GAS7: variants seen among roughly 807,000 people sequenced by gnomAD.
GAS7 encodes growth arrest specific 7.
In GAS7, 28 loss-of-function variants were observed where a neutral mutation model predicts 71.1. That is an observed-to-expected ratio of 0.39 (90% CI 0.29 to 0.54). The LOEUF is 0.54. GAS7 is among the 20% of genes least tolerant of loss of function. The probability of loss-of-function intolerance (pLI) is 0.62; values close to 1 mark genes in which losing one functional copy is unlikely to be tolerated. For synonymous variants in GAS7, 258 were observed against 245.8 expected (o/e 1.05, Z -0.46); for missense variants, 436 against 627.8 (o/e 0.69, Z 3.27).
intron 2 of GAS7, among the ~76,000 whole-genome samples, chr17:9,992,196 T>C (rs1385864159): frequency 1.3e-5 from 2 of 150,842 alleles, no homozygotes; most frequent in Non-Finnish European, 3.0e-5. Context: ...CCCCAGGGAG[T>C]GGGTTAGACT....
chr17:10,191,137 T>C (rs945875449), intron 1 of GAS7, among the ~76,000 whole-genome samples: 3 of 147,386 alleles, frequency 2.0e-5, no homozygotes, highest in African/African-American at 7.5e-5. Flanking sequence ...ATCACGCCAT[T>C]GTACTCCAGC....
chr17:10,132,317 T>A (rs190469302), intron 1 of GAS7, among the ~76,000 whole-genome samples: 2 of 152,206 alleles, frequency 1.3e-5, no homozygotes, highest in East Asian at 3.9e-4. Context: ...CCCTGAAGAA[T>A]GCCTCTTCCT....
intron 1 of GAS7, among the ~76,000 whole-genome samples, chr17:10,072,571 T>C (rs538659072): frequency 3.9e-4 from 59 of 152,226 alleles, no homozygotes; most frequent in Non-Finnish European, 5.9e-5. Flanking sequence ...GTCTAACAGA[T>C]GCTTCTGCCT....
chr17:9,928,279 ATT>A (rs547589875), intron 9 of GAS7, among the ~76,000 whole-genome samples: 4 of 137,646 alleles, frequency 2.9e-5, no homozygotes, highest in Admixed American at 7.2e-5. Context: ...CGCCCGGCTA[ATT>A]TTTTTTTTTT....
chr17:9,957,178 C>T (rs79818825), intron 5 of GAS7, among the ~76,000 whole-genome samples: 3,052 of 152,328 alleles, frequency 0.02, 93 homozygotes, highest in African/African-American at 0.064. Context: ...GGAACACTGG[C>T]TCAAATGCAG....
intron 1 of GAS7, among the ~76,000 whole-genome samples, chr17:10,067,139 G>T (rs552326593): frequency 6.6e-6 from 1 of 152,250 alleles, no homozygotes; most frequent in African/African-American, 2.4e-5. Context: ...GATGAAATAT[G>T]GGGGAGGGAT....
Position 9,969,237 on chromosome 17 carries a change from G to GCTCT in GAS7, c.471+436_471+439dup, listed in dbSNP as rs1411884499. On this transcript the variant is annotated intron_variant, in intron 4 of 13. Coordinates refer to ENST00000432992, the MANE Select transcript of GAS7 (RefSeq NM_201433.2). This position sits in a 1 kb window ranked among gnomAD's most constrained non-coding sequence, Gnocchi z 5.5. ...TACTCCCATTTCCTTCCATCTCATA[G>GCTCT]CTCTCTCTATGCTACTTTATCAAAT... Among the ~76,000 whole-genome samples, 2 of 152,162 alleles carry GCTCT rather than the reference G, an allele frequency of 1.3e-5. No homozygotes were observed. Among genetic ancestry groups the GCTCT allele is most frequent in the African/African-American group, 4.8e-5 (2 of 41,424 alleles).
chr17:10,198,501 G>C lies in GAS7; in HGVS notation c.-111C>G, dbSNP rs982969668. Reference sequence around the variant, plus strand: ...CCGGCGCTCCGGGCTCCCGCGCTCTGGGCGCGCGCCGTCTCTGGGGTGCGC... The same window carrying C: ...CCGGCGCTCCGGGCTCCCGCGCTCTCGGCGCGCGCCGTCTCTGGGGTGCGC... On this transcript the variant is annotated 5_prime_UTR_variant, in exon 1 of 14. Transcript: ENST00000432992. The C allele has an allele frequency of 5.4e-6, 4 of 738,368 alleles. No individual in the cohort carries two copies. The highest frequency in any genetic ancestry group is 3.9e-6 in the Non-Finnish European group (2 of 512,846). 45.7% of individuals were successfully genotyped at this position (738,368 alleles called of 1,614,324 possible).
chr17:10,110,873 C>A (rs1441606515), intron 1 of GAS7, among the ~76,000 whole-genome samples: 2 of 152,218 alleles, frequency 1.3e-5, no homozygotes, highest in Admixed American at 6.5e-5. Context: ...TTGTTCCCAA[C>A]ACACAGCAAT....
rs188481786 is a variant in GAS7, at chr17:10,093,194, C to G, written c.184-73297G>C. Among the ~76,000 whole-genome samples the G allele has an allele frequency of 2.0e-5, 3 of 152,188 alleles. No individual in the cohort carries two copies. In the East Asian group the frequency reaches 5.8e-4, roughly 29 times the overall value. Reference sequence around the variant, plus strand: ...TGGACAAGACCAACCCCTTGTCAAGCCCCCACTATCTCACCTTTATAAGGA... The same window carrying G: ...TGGACAAGACCAACCCCTTGTCAAGGCCCCACTATCTCACCTTTATAAGGA... On this transcript the variant is annotated intron_variant, in intron 1 of 13. Coordinates refer to ENST00000432992, the MANE Select transcript of GAS7 (RefSeq NM_201433.2).
intron 1 of GAS7, among the ~76,000 whole-genome samples, chr17:10,142,553 G>C (rs1275934712): frequency 6.6e-6 from 1 of 152,088 alleles, no homozygotes; most frequent in Non-Finnish European, 1.5e-5. Flanking sequence ...ATTTTTAGTA[G>C]AGACGGGGTT....
chr17:9,933,079 G>A (rs1035793255), intron 9 of GAS7, among the ~76,000 whole-genome samples: 1 of 152,160 alleles, frequency 6.6e-6, no homozygotes, highest in African/African-American at 2.4e-5. Flanking sequence ...GGCTGAGGCA[G>A]GAGAATCACT....
At chr17:10,072,198 C>G (rs943602387) in intron 1 of GAS7, among the ~76,000 whole-genome samples, 1 of 152,092 alleles carries the variant, frequency 6.6e-6, no homozygotes, top group Non-Finnish European at 1.5e-5. Flanking sequence ...GTCATTGGCC[C>G]TGAGGAAGCA....
chr17:9,960,382 G>A (rs1184274554), intron 4 of GAS7, among the ~76,000 whole-genome samples: 1 of 152,096 alleles, frequency 6.6e-6, no homozygotes, highest in East Asian at 1.9e-4. Context: ...TAGAGACAGG[G>A]TTTCACCATG....
chr17:10,054,850 T>C (rs2073114438), intron 1 of GAS7, among the ~76,000 whole-genome samples: 1 of 152,096 alleles, frequency 6.6e-6, no homozygotes, highest in Admixed American at 6.5e-5. Context: ...CTGGGCTCCC[T>C]GAGCCTGGGC....
intron 1 of GAS7, among the ~76,000 whole-genome samples, chr17:10,070,084 C>T (rs375035780): frequency 6.6e-6 from 1 of 152,134 alleles, no homozygotes; most frequent in Non-Finnish European, 1.5e-5. Flanking sequence ...CACAGCATCT[C>T]GGGAAATGCT....
Position 9,981,174 on chromosome 17 carries a change from C to T in GAS7, c.385+630G>A, listed in dbSNP as rs1284897648. ...GGGTGTGGTGGTGCGCACCTGCAATCGCAGCTACTCGGGAGGCTGGGGAAC... is the reference window on the plus strand; with the variant it reads ...GGGTGTGGTGGTGCGCACCTGCAATTGCAGCTACTCGGGAGGCTGGGGAAC... On this transcript the variant is annotated intron_variant, in intron 3 of 13. Coordinates refer to ENST00000432992, the MANE Select transcript of GAS7 (RefSeq NM_201433.2). This position sits in a 1 kb window ranked among gnomAD's most constrained non-coding sequence, Gnocchi z 4.4. Among the ~76,000 whole-genome samples, 2 of 151,886 alleles carry T rather than the reference C, an allele frequency of 1.3e-5. No homozygotes were observed. The highest frequency in any genetic ancestry group is 2.4e-5 in the African/African-American group (1 of 41,338).
At position 9,911,293 on chromosome 17, in the gene GAS7, G is replaced by A. The variant is rs578229565; in HGVS notation, c.*5935C>T. 9 of 233,356 alleles carry A rather than the reference G, an allele frequency of 3.9e-5. No homozygotes were observed. The highest frequency in any genetic ancestry group is 3.6e-4 in the South Asian group (2 of 5,534). The allele number at this position is 233,356 out of a possible 1,614,324, so 14.5% of individuals were successfully genotyped here. ...TTCAGGTTATGGGACAAAGGAGGCC[G>A]CAGAGCAGGGCCAGTCCTGTGCTCT... On this transcript the variant is annotated 3_prime_UTR_variant, in exon 14 of 14. Coordinates refer to ENST00000432992, the MANE Select transcript of GAS7 (RefSeq NM_201433.2). The surrounding 1 kb of genome is among the most constrained non-coding windows in gnomAD (Gnocchi z 4.0).
In GAS7 at chr17:9,913,289, A is replaced by G. The variant is rs919866942; in HGVS notation, c.*3939T>C. 4.3e-6 allele frequency: 1 copy of G among 232,474 alleles called. No individual in the cohort carries two copies. Among genetic ancestry groups the G allele is most frequent in the African/African-American group, 2.2e-5 (1 of 45,226 alleles). The allele number at this position is 232,474 out of a possible 1,614,324, so 14.4% of individuals were successfully genotyped here. ...TGGGGGGGCAGCTGATCTGTACCCC[A>G]CTTAACATTAGAAGTGCTCTCTCCG... On this transcript the variant is annotated 3_prime_UTR_variant, in exon 14 of 14. Transcript: ENST00000432992.
Sources: allele counts gnomAD v4.1 joint callset (sites outside exome capture counted in the v4.1 genomes callset), GRCh38; gene constraint gnomAD v4.1.1; non-coding constraint Gnocchi (gnomAD v3.1); transcripts MANE v1.5; gene names NCBI Gene and HGNC (gene_info 2026-07-23, HGNC 2026-07-21).